FAM81A: variants seen among roughly 807,000 people sequenced by gnomAD.
FAM81A encodes protein FAM81A.
A neutral mutation model predicts 46.7 loss-of-function variants in FAM81A; 19 were observed. The ratio of observed to expected loss-of-function variants is 0.41; its 90% CI spans 0.28 to 0.60. FAM81A has a LOEUF of 0.60. Among genes scored for constraint, FAM81A ranks in the 20% least tolerant of loss-of-function variants. The probability of loss-of-function intolerance (pLI) is 0.34; values close to 1 mark genes in which losing one functional copy is unlikely to be tolerated. For missense variants in FAM81A, 377 were observed against 453.5 expected (o/e 0.83, Z 1.53); for synonymous variants, 183 against 152.9 (o/e 1.20, Z -1.45).
upstream of FAM81A, among the ~76,000 whole-genome samples, chr15:59,436,277 A>G (rs2081242729): frequency 6.6e-6 from 1 of 152,136 alleles, no homozygotes; most frequent in African/African-American, 2.4e-5. Context: ...GATGGCCAGA[A>G]GTAAGAAGGC....
chr15:59,449,743 C>T (rs1314208578), intron 1 of FAM81A, among the ~76,000 whole-genome samples: 1 of 140,690 alleles, frequency 7.1e-6, no homozygotes, highest in Non-Finnish European at 1.5e-5. Flanking sequence ...GATCGCGCCA[C>T]TGCACTCCAG....
At chr15:59,451,660 T>G (rs1421392430) in intron 1 of FAM81A, among the ~76,000 whole-genome samples, 1 of 151,860 alleles carries the variant, frequency 6.6e-6, no homozygotes, top group African/African-American at 2.4e-5. Context: ...CTCATGTTGG[T>G]CAGGCTGGTG....
At chr15:59,470,202 T>C (rs568163157) in intron 3 of FAM81A, among the ~76,000 whole-genome samples, 345 of 152,284 alleles carry the variant, frequency 2.3e-3, no homozygotes, top group African/African-American at 7.5e-3. Context: ...TGCTCTTCTC[T>C]AGGAGTATCT....
chr15:59,470,578 A>C (rs376845921), intron 3 of FAM81A, among the ~76,000 whole-genome samples: 1 of 152,130 alleles, frequency 6.6e-6, no homozygotes, highest in Non-Finnish European at 1.5e-5. Flanking sequence ...TCTTCTCTAC[A>C]CTGTTTATTC....
At chr15:59,514,080 G>T (rs1369375436) in intron 6 of FAM81A, among the ~76,000 whole-genome samples, 1 of 151,564 alleles carries the variant, frequency 6.6e-6, no homozygotes, top group East Asian at 1.9e-4. Context: ...TTGGGGGCAT[G>T]GGGGGGGCAA....
intron 2 of FAM81A, among the ~76,000 whole-genome samples, chr15:59,412,620 T>C (rs1245154406): frequency 6.6e-6 from 1 of 151,834 alleles, no homozygotes; most frequent in African/African-American, 2.4e-5. Context: ...CCAGCTATTC[T>C]GGAGGTTGAG....
At chr15:59,461,243 A>G (rs1302921265) in intron 3 of FAM81A, among the ~76,000 whole-genome samples, 1 of 152,170 alleles carries the variant, frequency 6.6e-6, no homozygotes, top group Non-Finnish European at 1.5e-5. Flanking sequence ...GACATTTCAT[A>G]TAAATGGAAA....
intron 2 of FAM81A, among the ~76,000 whole-genome samples, chr15:59,428,413 ATATTAT>A (rs143696862): frequency 0.034 from 4,783 of 140,650 alleles, 154 homozygotes; most frequent in African/African-American, 0.083. Context: ...ATTCTTTTTG[ATATTAT>A]TATTATTATT....
At chr15:59,517,651 AG>A (rs1339879968) in intron 8 of FAM81A, among the ~76,000 whole-genome samples, 3 of 152,236 alleles carry the variant, frequency 2.0e-5, no homozygotes, top group Non-Finnish European at 4.4e-5. Context: ...TGGAAATAAA[AG>A]TGCTAGTTAT....
At chr15:59,418,654 G>C (rs1250590369) in intron 2 of FAM81A, among the ~76,000 whole-genome samples, 2 of 152,182 alleles carry the variant, frequency 1.3e-5, no homozygotes, top group Non-Finnish European at 2.9e-5. Flanking sequence ...CGTAAAGGGC[G>C]ACTTTCCTTG....
At chr15:59,442,048 A>G (rs1315851645) in intron 1 of FAM81A, among the ~76,000 whole-genome samples, 1 of 152,204 alleles carries the variant, frequency 6.6e-6, no homozygotes, top group Non-Finnish European at 1.5e-5. Flanking sequence ...GGGAGATTTG[A>G]ATAACTTAAA....
intron 3 of FAM81A, among the ~76,000 whole-genome samples, chr15:59,477,518 A>G (rs1482671683): frequency 6.6e-6 from 1 of 152,230 alleles, no homozygotes; most frequent in Non-Finnish European, 1.5e-5. Flanking sequence ...TGCCTAGATA[A>G]GTCTTTATGA....
chr15:59,404,695 G>A (rs1165690064), intron 2 of FAM81A, among the ~76,000 whole-genome samples: 1 of 152,132 alleles, frequency 6.6e-6, no homozygotes, highest in African/African-American at 2.4e-5. Flanking sequence ...GGCCTCAAGT[G>A]GTCCTCCCAC....
In FAM81A at chr15:59,460,490, G is replaced by C; in HGVS notation, c.294+284G>C. On this transcript the variant is annotated intron_variant, in intron 3 of 8. Coordinates refer to ENST00000288228, the MANE Select transcript of FAM81A (RefSeq NM_152450.3). This position sits in a 1 kb window ranked among gnomAD's most constrained non-coding sequence, Gnocchi z 4.4. ...TTTTGTTTGGCTCTTAATGAAGAGA[G>C]AGAAGAACTAGTCGAATAGTTTCAC... 1 of 486,434 alleles carries C rather than the reference G, an allele frequency of 2.1e-6. No individual in the cohort carries two copies. The highest frequency in any genetic ancestry group is 3.8e-6 in the Non-Finnish European group (1 of 266,444). 30.1% of individuals were successfully genotyped at this position (486,434 alleles called of 1,614,324 possible).
intron 3 of FAM81A, among the ~76,000 whole-genome samples, chr15:59,487,887 C>T (rs1343285401): frequency 6.6e-6 from 1 of 152,086 alleles, no homozygotes; most frequent in Non-Finnish European, 1.5e-5. Flanking sequence ...GGAAATACTT[C>T]CAAACTCATT....
chr15:59,483,776 G>C (rs2141722043), intron 3 of FAM81A, among the ~76,000 whole-genome samples: 1 of 152,320 alleles, frequency 6.6e-6, no homozygotes, highest in East Asian at 1.9e-4. Flanking sequence ...GAACAGTTGG[G>C]ATAGGCAGGC....
At chr15:59,474,558 G>A (rs1324296012) in intron 3 of FAM81A, among the ~76,000 whole-genome samples, 3 of 152,260 alleles carry the variant, frequency 2.0e-5, no homozygotes, top group East Asian at 1.9e-4. Flanking sequence ...ATCACCTCCT[G>A]AAATACCACG....
At chr15:59,512,776 C>G (rs1464214043) in intron 6 of FAM81A, among the ~76,000 whole-genome samples, 3 of 152,178 alleles carry the variant, frequency 2.0e-5, no homozygotes, top group Admixed American at 1.3e-4. Flanking sequence ...TGTGGTTTTT[C>G]CAAGGCTCCA....
chr15:59,415,170 G>A (rs1394967299), intron 2 of FAM81A, among the ~76,000 whole-genome samples: 1 of 148,222 alleles, frequency 6.7e-6, no homozygotes, highest in East Asian at 2.0e-4. Context: ...CCAGGCTGGA[G>A]TGCAGTGGCA....
Sources: gnomAD v4.1 joint callset for allele counts (sites outside exome capture counted in the v4.1 genomes callset) on GRCh38, gnomAD v4.1.1 for gene constraint, Gnocchi (gnomAD v3.1) non-coding constraint, MANE v1.5 for transcripts, NCBI Gene and HGNC (gene_info 2026-07-23, HGNC 2026-07-21) for gene names.